Variants in STAG1 observed in about 807,000 individuals in gnomAD.
The protein encoded by STAG1 is cohesin subunit SA-1.
Under a neutral mutation model 170.9 loss-of-function variants are expected in STAG1, and 26 were observed. That is an observed-to-expected ratio of 0.15 (90% CI 0.11 to 0.21). STAG1 has a LOEUF of 0.21. Ranked by LOEUF, STAG1 falls within the 10% of genes least tolerant of loss-of-function variation. The probability of loss-of-function intolerance (pLI) is 1.00; values close to 1 mark genes in which losing one functional copy is unlikely to be tolerated. For synonymous variants in STAG1, 514 were observed against 497.7 expected, an observed-to-expected ratio of 1.03 and a Z score of -0.44; for missense variants, 964 against 1,509.5, an observed-to-expected ratio of 0.64 and a Z score of 5.99.
Position 136,608,728 on chromosome 3 carries a change from G to A in STAG1, c.133-4255C>T, listed in dbSNP as rs150156954. Among the ~76,000 whole-genome samples, 14 of 149,864 alleles carry A rather than the reference G, an allele frequency of 9.3e-5. No individual in the cohort carries two copies. The East Asian group carries it at 1.8e-3, about 19-fold the overall frequency. On this transcript the variant is annotated intron_variant, in intron 3 of 33. Transcript: ENST00000383202. ...CTGAAGTAGGAGAATCGAATGAGCCGGGGAGGTGGAGTCTGCAGTGAGCCG... is the reference window on the plus strand; with the variant it reads ...CTGAAGTAGGAGAATCGAATGAGCCAGGGAGGTGGAGTCTGCAGTGAGCCG...
chr3:136,606,375 G>C (rs970363223), intron 3 of STAG1, among the ~76,000 whole-genome samples: 8 of 152,228 alleles, frequency 5.3e-5, no homozygotes, highest in Non-Finnish European at 1.5e-5. Context: ...TTTTAGTACA[G>C]ACAAGGTTTC....
chr3:136,457,449 C>G (rs769975954), intron 13 of STAG1, among the ~76,000 whole-genome samples: 2 of 152,178 alleles, frequency 1.3e-5, no homozygotes, highest in Non-Finnish European at 2.9e-5. Flanking sequence ...TGTTTACCCC[C>G]ACATCCAAAC....
In STAG1 at chr3:136,341,565, C is replaced by A; in HGVS notation, c.3447-14G>T. The A allele has an allele frequency of 6.5e-7, 1 of 1,542,246 alleles. No individual in the cohort carries two copies. Among genetic ancestry groups the A allele is most frequent in the Non-Finnish European group, 9.0e-7 (1 of 1,116,836 alleles). On this transcript the variant is annotated splice_polypyrimidine_tract_variant and intron_variant, in intron 30 of 33. Transcript: ENST00000383202. The stretch of plus-strand genomic sequence containing the variant: ...TGCATCTGAGGACTAAGAGAGGGTA[C>A]TATTATTAATTTTGTAGCAGCAGAT...
At chr3:136,439,997 T>C (rs1190720047) in intron 15 of STAG1, among the ~76,000 whole-genome samples, 1 of 152,210 alleles carries the variant, frequency 6.6e-6, no homozygotes, top group Non-Finnish European at 1.5e-5. Flanking sequence ...GTATATATTT[T>C]AACAAGTAAA....
chr3:136,437,114 AAC>A (rs1442688147), intron 15 of STAG1, among the ~76,000 whole-genome samples: 1 of 152,340 alleles, frequency 6.6e-6, no homozygotes, highest in African/African-American at 2.4e-5. Context: ...TTAGGAAGAA[AAC>A]ACAGTCTTAC....
At chr3:136,639,245 G>A (rs1940703028) in intron 1 of STAG1, among the ~76,000 whole-genome samples, 1 of 151,362 alleles carries the variant, frequency 6.6e-6, no homozygotes, top group Non-Finnish European at 1.5e-5. Flanking sequence ...TGAAGTGGGA[G>A]GGTCACTTGA....
intron 11 of STAG1, 118 bp downstream of exon 11, chr3:136,473,421 A>G (rs2089672635): frequency 4.2e-6 from 3 of 711,276 alleles, no homozygotes; most frequent in Admixed American, 6.6e-5. Flanking sequence ...AAGGTTGGGG[A>G]CTGCTGTAAT....
At chr3:136,603,757 G>A (rs774641452) in intron 4 of STAG1, among the ~76,000 whole-genome samples, 10 of 152,052 alleles carry the variant, frequency 6.6e-5, no homozygotes, top group Non-Finnish European at 1.3e-4. Context: ...CATGGTGGCA[G>A]GCACCTGTAG....
intron 7 of STAG1, among the ~76,000 whole-genome samples, chr3:136,520,663 T>G (rs965925464): frequency 6.6e-6 from 1 of 152,142 alleles, no homozygotes; most frequent in South Asian, 2.1e-4. Flanking sequence ...TGAAAACTAA[T>G]CTGTTAGTTC....
chr3:136,665,407 C>T (rs986873085), intron 1 of STAG1, among the ~76,000 whole-genome samples: 4 of 152,040 alleles, frequency 2.6e-5, no homozygotes, highest in African/African-American at 7.3e-5. Context: ...TACTACATAG[C>T]GTTAGGGTTA....
chr3:136,708,522 G>GAA lies in STAG1; in HGVS notation c.-84+43671_-84+43672dup, dbSNP rs369282714. ...ATATGAGATGCTCTTTTGGTATAAT[G>GAA]AAAACATTTTGAAACTAGAGATGAT... On this transcript the variant is annotated intron_variant, in intron 1 of 33. Transcript: ENST00000383202. Among the ~76,000 whole-genome samples, 123 of 152,108 alleles carry GAA rather than the reference G, an allele frequency of 8.1e-4. No homozygotes were observed. In the East Asian group the frequency reaches 0.02, roughly 25 times the overall value.
intron 21 of STAG1, among the ~76,000 whole-genome samples, chr3:136,413,232 T>C (rs56095774): frequency 0.17 from 24,675 of 147,954 alleles, 3,375 homozygotes; most frequent in African/African-American, 0.38. Context: ...ATAATTTATA[T>C]AATGTATACT....
intron 5 of STAG1, among the ~76,000 whole-genome samples, chr3:136,551,246 AGAGAGAGAGAGAGAGG>A (rs1193130287): frequency 3.6e-4 from 52 of 145,588 alleles, no homozygotes; most frequent in Non-Finnish European, 4.7e-4. Flanking sequence ...AGAGAGAGAG[AGAGAGAGAGAGAGAGG>A]GAGAGCGAGA....
chr3:136,461,122 GA>G (rs1251114699), intron 13 of STAG1, among the ~76,000 whole-genome samples: 3 of 152,074 alleles, frequency 2.0e-5, no homozygotes, highest in African/African-American at 7.2e-5. Flanking sequence ...GCATTTGAAA[GA>G]AATCAACACC....
Position 136,710,293 on chromosome 3 carries a change from G to C in STAG1, c.-84+41902C>G, listed in dbSNP as rs543175163. 3.4e-4 allele frequency among the ~76,000 whole-genome samples: 51 copies of C among 152,236 alleles called. 1 individual carries two copies. The highest frequency in any genetic ancestry group is 5.6e-4 in the Non-Finnish European group (38 of 68,020). ...TTATCAACTTTCACACAGTAATACA[G>C]TCTGATTTTATAATGGTTTTCCAGA... On this transcript the variant is annotated intron_variant, in intron 1 of 33. Coordinates refer to ENST00000383202, the MANE Select transcript of STAG1 (RefSeq NM_005862.3).
chr3:136,489,578 T>A (rs2090081637), intron 9 of STAG1, among the ~76,000 whole-genome samples: 1 of 152,100 alleles, frequency 6.6e-6, no homozygotes, highest in African/African-American at 2.4e-5. Context: ...AAAGGCACAC[T>A]CTCTAAATTG....
At chr3:136,652,403 CT>C (rs1258418171) in intron 1 of STAG1, among the ~76,000 whole-genome samples, 1 of 152,122 alleles carries the variant, frequency 6.6e-6, no homozygotes, top group African/African-American at 2.4e-5. Flanking sequence ...AGTGATAATA[CT>C]TAGGCAGGAT....
At chr3:136,512,374 C>A (rs1370120690) in intron 7 of STAG1, among the ~76,000 whole-genome samples, 1 of 152,032 alleles carries the variant, frequency 6.6e-6, no homozygotes, top group South Asian at 2.1e-4. Flanking sequence ...GTAGTAGGTT[C>A]CATAGAAGAT....
chr3:136,372,116 C>A (rs1475127141), intron 23 of STAG1, among the ~76,000 whole-genome samples: 1 of 152,120 alleles, frequency 6.6e-6, no homozygotes, highest in Non-Finnish European at 1.5e-5. Context: ...CTCTTTGAAG[C>A]AATTGTGAAT....
Sources: allele counts gnomAD v4.1 joint callset (sites outside exome capture counted in the v4.1 genomes callset), GRCh38; gene constraint gnomAD v4.1.1; transcripts MANE v1.5; gene names NCBI Gene and HGNC (gene_info 2026-07-23, HGNC 2026-07-21).